ACTL6A: variants seen among roughly 807,000 people sequenced by gnomAD.
ACTL6A encodes actin like 6A, also known as actin-like protein 6A.
Under a neutral mutation model 59.2 loss-of-function variants are expected in ACTL6A, and 5 were observed. That is an observed-to-expected ratio of 0.08 (90% CI 0.04 to 0.18). ACTL6A has a LOEUF of 0.18. Ranked by LOEUF, ACTL6A falls within the 10% of genes least tolerant of loss-of-function variation. ACTL6A has a pLI of 1.00. For synonymous variants in ACTL6A, 154 were observed against 171.8 expected (o/e 0.90, Z 0.81); for missense variants, 285 against 526.9 (o/e 0.54, Z 4.49).
rs936635165 is a variant in ACTL6A at position 179,588,130 on chromosome 3, T to G, written c.*120T>G. 7.7e-5 allele frequency: 55 copies of G among 716,044 alleles called. No homozygotes were observed. Among genetic ancestry groups the G allele is most frequent in the Non-Finnish European group, 1.1e-4 (51 of 482,566 alleles). The allele number at this position is 716,044 out of a possible 1,614,324, so 44.4% of individuals were successfully genotyped here. A position where few individuals can be genotyped will look rare whatever the true frequency, so the allele number is the denominator to read the frequency against. On this transcript the variant is annotated 3_prime_UTR_variant, in exon 14 of 14. Coordinates refer to ENST00000429709, the MANE Select transcript of ACTL6A (RefSeq NM_004301.5). ...TTATACATTTTTGCATATTTCAATT[T>G]CCACTTAAATTTTTTAAAGCTTTAA...
Position 179,576,204 on chromosome 3 carries a change from T to A in ACTL6A, c.477-13T>A. 6.2e-7 allele frequency: 1 copy of A among 1,603,820 alleles called. No individual in the cohort carries two copies. The highest frequency in any genetic ancestry group is 1.1e-5 in the South Asian group (1 of 90,854). ...GGCCTTGATACTTTCTTTTCCTTAA[T>A]GTTTTAAACTAGATTTGCTAATGGT... is the stretch of plus-strand genomic sequence containing the variant. On this transcript the variant is annotated splice_polypyrimidine_tract_variant and intron_variant, in intron 5 of 13. Coordinates refer to ENST00000429709, the MANE Select transcript of ACTL6A (RefSeq NM_004301.5).
intron 3 of ACTL6A, among the ~76,000 whole-genome samples, chr3:179,572,923 C>A (rs1446233322): frequency 6.6e-6 from 1 of 150,692 alleles, no homozygotes; most frequent in African/African-American, 2.4e-5. Context: ...GTCTTTTAGT[C>A]TTTTTCCAAA....
chr3:179,586,751 T>C (rs1718505919), intron 13 of ACTL6A, 119 bp downstream of exon 13: 1 of 819,096 alleles, frequency 1.2e-6, no homozygotes, highest in Non-Finnish European at 1.9e-6. Flanking sequence ...GTCAAATGAG[T>C]GGAAGACCTA....
chr3:179,586,065 A>G (rs930701771), intron 12 of ACTL6A, among the ~76,000 whole-genome samples: 5 of 152,222 alleles, frequency 3.3e-5, no homozygotes, highest in Admixed American at 3.3e-4. Context: ...ATGAAATAAT[A>G]AAGACTTAGC....
At chr3:179,571,081 G>T (rs992617959) in intron 3 of ACTL6A, among the ~76,000 whole-genome samples, 1 of 152,056 alleles carries the variant, frequency 6.6e-6, no homozygotes, top group African/African-American at 2.4e-5. Context: ...ACCATGCATT[G>T]AGATAGGAAT....
chr3:179,567,551 A>G (rs1416973356), intron 1 of ACTL6A, among the ~76,000 whole-genome samples: 1 of 152,218 alleles, frequency 6.6e-6, no homozygotes, highest in East Asian at 1.9e-4. Context: ...AGGGCAAAAG[A>G]TAAATCCTTG....
At chr3:179,568,195 AG>A (rs1717896722) in intron 1 of ACTL6A, among the ~76,000 whole-genome samples, 1 of 150,484 alleles carries the variant, frequency 6.6e-6, no homozygotes, top group Non-Finnish European at 1.5e-5. Flanking sequence ...AAAAAAAAAG[AG>A]ATCATTCTGC....
intron 1 of ACTL6A, among the ~76,000 whole-genome samples, chr3:179,566,790 A>G (rs904451157): frequency 1.3e-5 from 2 of 152,178 alleles, no homozygotes; most frequent in Non-Finnish European, 2.9e-5. Context: ...GCCGGGTTCA[A>G]GCAATTCTCC....
intron 1 of ACTL6A, among the ~76,000 whole-genome samples, chr3:179,566,732 C>G (rs1717847189): frequency 6.6e-6 from 1 of 152,168 alleles, no homozygotes; most frequent in African/African-American, 2.4e-5. Flanking sequence ...CTCTGTCACC[C>G]AGGCTGGAGT....
intron 8 of ACTL6A, among the ~76,000 whole-genome samples, chr3:179,578,347 G>A (rs529449431): frequency 1.3e-5 from 2 of 152,280 alleles, no homozygotes; most frequent in South Asian, 4.1e-4. Context: ...CCAGCTACTT[G>A]GGAGGCTGAG....
At chr3:179,564,434 T>G (rs1717769528) in intron 1 of ACTL6A, among the ~76,000 whole-genome samples, 1 of 152,182 alleles carries the variant, frequency 6.6e-6, no homozygotes, top group African/African-American at 2.4e-5. Context: ...AGAGGTTCAA[T>G]TCTTGAGGAT....
In ACTL6A at chr3:179,586,575, T is replaced by C. The variant is rs375249408; in HGVS notation, c.1152T>C (p.Asn384=). The change falls in exon 13 of 14, where the codon AAT becomes AAC. Residue 384 remains asparagine, a synonymous_variant. Coordinates refer to ENST00000429709, the MANE Select transcript of ACTL6A (RefSeq NM_004301.5). ...TGCGGTTGAAATTGATTGCAAATAA[T>C]ACAACAGTGGAACGGAGGTTTAGCT... is the stretch of plus-strand genomic sequence containing the variant. ...PSMRLKLIAN[N]TTVERRFSSW... is the part of the protein sequence containing the mutation. 2.5e-6 allele frequency: 4 copies of C among 1,598,366 alleles called. No individual in the cohort carries two copies. The highest frequency in any genetic ancestry group is 2.6e-6 in the Non-Finnish European group (3 of 1,175,086).
At chr3:179,580,589 T>C (rs1718306438) in intron 8 of ACTL6A, 51 bp from the exon 9 acceptor site, 1 of 1,273,266 alleles carries the variant, frequency 7.9e-7, no homozygotes, top group Non-Finnish European at 1.1e-6. Flanking sequence ...AAAGTATAGA[T>C]TACAAAGATA....
chr3:179,575,373 C>T, intron 5 of ACTL6A: 1 of 456,674 alleles, frequency 2.2e-6, no homozygotes, highest in Non-Finnish European at 4.4e-6. Context: ...ACCATCTTCC[C>T]TGGGACATCC....
At chr3:179,586,802 C>G in intron 13 of ACTL6A, 170 bp downstream of exon 13, 1 of 569,800 alleles carries the variant, frequency 1.8e-6, no homozygotes, top group Non-Finnish European at 3.0e-6. Flanking sequence ...TAACAAAATG[C>G]CTCTGCCTAA....
chr3:179,563,761 A>G (rs778293997), intron 1 of ACTL6A, among the ~76,000 whole-genome samples: 8 of 152,130 alleles, frequency 5.3e-5, no homozygotes, highest in Non-Finnish European at 1.0e-4. Context: ...TTTGAGATCA[A>G]TTCAGGAGCA....
chr3:179,562,974 G>T lies in ACTL6A; in HGVS notation c.-119G>T, dbSNP rs1030297541. The T allele has an allele frequency of 1.4e-5, 19 of 1,353,312 alleles. No individual in the cohort carries two copies. The highest frequency in any genetic ancestry group is 2.0e-6 in the Non-Finnish European group (2 of 976,490). 83.8% of individuals were successfully genotyped at this position (1,353,312 alleles called of 1,614,324 possible). On this transcript the variant is annotated 5_prime_UTR_variant, in exon 1 of 14. Transcript: ENST00000429709. ...TGTGGACGCCGCTTTGTTGCCTGAG[G>T]TGGGTGGCGGTGGAAGTTAAGGGAG...
chr3:179,567,883 A>C (rs1717883997), intron 1 of ACTL6A, among the ~76,000 whole-genome samples: 1 of 152,172 alleles, frequency 6.6e-6, no homozygotes, highest in Non-Finnish European at 1.5e-5. Flanking sequence ...TATTTGAATA[A>C]AAATGAGAGG....
intron 11 of ACTL6A, among the ~76,000 whole-genome samples, chr3:179,581,446 A>T (rs1305348412): frequency 6.6e-6 from 1 of 152,232 alleles, no homozygotes; most frequent in Admixed American, 6.5e-5. Flanking sequence ...GTGGCAATTT[A>T]AATTTAAAAT....
Sources: gnomAD v4.1 joint callset for allele counts (sites outside exome capture counted in the v4.1 genomes callset) on GRCh38, gnomAD v4.1.1 for gene constraint, MANE v1.5 for transcripts, NCBI Gene and HGNC (gene_info 2026-07-23, HGNC 2026-07-21) for gene names.